IMPG1: variants seen among roughly 807,000 people sequenced by gnomAD.
The protein encoded by IMPG1 is interphotoreceptor matrix proteoglycan 1.
IMPG1 carries 85 observed loss-of-function variants against 92.0 expected under a neutral mutation model. The ratio of observed to expected loss-of-function variants is 0.92; its 90% CI spans 0.78 to 1.11. The LOEUF (loss-of-function observed/expected upper bound fraction) is 1.11, where lower values mean the gene tolerates loss of function less well. Among genes scored for constraint, IMPG1 ranks in the 50% least tolerant of loss-of-function variants. IMPG1 has a pLI of 0.00. For missense variants in IMPG1, 1,022 were observed against 956.0 expected (o/e 1.07, Z -0.91); for synonymous variants, 367 against 334.1 (o/e 1.10, Z -1.08).
chr6:75,939,432 T>G (rs905136948), intron 14 of IMPG1, among the ~76,000 whole-genome samples: 4 of 151,828 alleles, frequency 2.6e-5, no homozygotes, highest in African/African-American at 4.8e-5. Context: ...TTCCCACCTA[T>G]GAGTGAGAAT....
chr6:76,014,655 C>A (rs908191055), intron 7 of IMPG1, among the ~76,000 whole-genome samples: 1 of 152,170 alleles, frequency 6.6e-6, no homozygotes, highest in Admixed American at 6.5e-5. Context: ...GATCCTGAAT[C>A]ATCCATTTTT....
chr6:76,002,447 T>A (rs1783009949), intron 12 of IMPG1, among the ~76,000 whole-genome samples: 2 of 152,234 alleles, frequency 1.3e-5, no homozygotes, highest in African/African-American at 4.8e-5. Context: ...AAGAAACACA[T>A]GTAGCAGAAC....
intron 12 of IMPG1, among the ~76,000 whole-genome samples, chr6:75,978,402 GTTTTC>G (rs1042941467): frequency 1.3e-5 from 2 of 151,982 alleles, no homozygotes; most frequent in African/African-American, 4.8e-5. Context: ...TTTTGCTATT[GTTTTC>G]TTTTCTATAT....
intron 1 of IMPG1, among the ~76,000 whole-genome samples, chr6:76,066,387 A>G (rs1784311063): frequency 6.6e-6 from 1 of 152,140 alleles, no homozygotes; most frequent in East Asian, 1.9e-4. Flanking sequence ...ATGTAAACAG[A>G]AACCAAAAGT....
chr6:75,957,162 C>T (rs1255978693), intron 12 of IMPG1, among the ~76,000 whole-genome samples: 1 of 152,200 alleles, frequency 6.6e-6, no homozygotes, highest in Non-Finnish European at 1.5e-5. Context: ...TCGTGATCCA[C>T]TCGCCTCGGC....
intron 1 of IMPG1, among the ~76,000 whole-genome samples, chr6:76,060,828 T>C (rs945607703): frequency 4.6e-5 from 7 of 152,192 alleles, no homozygotes; most frequent in Non-Finnish European, 1.0e-4. Flanking sequence ...CTGAGTGTGA[T>C]ACTTTATAAT....
At chr6:75,962,941 T>C (rs1255013067) in intron 12 of IMPG1, among the ~76,000 whole-genome samples, 1 of 151,810 alleles carries the variant, frequency 6.6e-6, no homozygotes, top group Non-Finnish European at 1.5e-5. Flanking sequence ...CGTGGGAGGC[T>C]GAGGCAGGAG....
rs879607545 is a variant in IMPG1, at chr6:75,990,618, CACAT to C, written c.1291+12296_1291+12299del. Among the ~76,000 whole-genome samples, 714 of 151,742 alleles carry C rather than the reference CACAT, an allele frequency of 4.7e-3. 1 individual carries two copies. Among genetic ancestry groups the C allele is most frequent in the Non-Finnish European group, 8.2e-3 (555 of 67,850 alleles). On this transcript the variant is annotated intron_variant, in intron 12 of 16. Transcript: ENST00000369950. ...ACACACACACACACACACACACACA[CACAT>C]ACACAATCTCATTTTCCTGCCTTTT...
chr6:75,978,314 A>G (rs1782572078), intron 12 of IMPG1, among the ~76,000 whole-genome samples: 1 of 152,118 alleles, frequency 6.6e-6, no homozygotes, highest in Non-Finnish European at 1.5e-5. Context: ...GCATCTTTGT[A>G]CCCAAGATCA....
intron 12 of IMPG1, among the ~76,000 whole-genome samples, chr6:75,956,528 C>T (rs1212640101): frequency 1.3e-5 from 2 of 152,030 alleles, no homozygotes; most frequent in African/African-American, 4.8e-5. Flanking sequence ...TTTTGTTAAT[C>T]TTTTCAAAAA....
rs1358523295 is a variant in IMPG1 at position 75,924,715 on chromosome 6, T to TTATATG, written c.2244-1010_2244-1009insCATATA. 8.4e-3 allele frequency among the ~76,000 whole-genome samples: 237 copies of TTATATG among 28,112 alleles called. 49 individuals are homozygous for TTATATG. The highest frequency in any genetic ancestry group is 0.011 in the Non-Finnish European group (170 of 15,022). The allele number at this position is 28,112 out of a possible 152,430, so 18.4% of individuals were successfully genotyped here. On this transcript the variant is annotated intron_variant, in intron 15 of 16. Transcript: ENST00000369950. Reference sequence around the variant, plus strand: ...ATAAATAATTATATATAATATATAATATATAATATAATTATATATAATATA... The same window carrying TTATATG: ...ATAAATAATTATATATAATATATAATTATATGATATAATATAATTATATATAATATA...
In IMPG1 at chr6:75,950,682, G is replaced by A. The variant is rs778559199; in HGVS notation, c.1704C>T (p.Pro568=). The A allele has an allele frequency of 1.2e-6, 2 of 1,613,856 alleles. No homozygotes were observed. The highest frequency in any genetic ancestry group is 3.3e-5 in the Admixed American group (2 of 59,964). Residue 568 remains proline, a synonymous_variant, in exon 13 of 17, where the codon CCC becomes CCT. Transcript: ENST00000369950. ...YITTSSMTIA[P]KGRELVVFFS... ...AGAACACTACCAGCTCTCGGCCCTT[G>A]GGGGCAATGGTCATAGAACTAGTGG...
chr6:76,039,475 C>A (rs916797426), intron 2 of IMPG1, among the ~76,000 whole-genome samples: 1 of 152,048 alleles, frequency 6.6e-6, no homozygotes, highest in African/African-American at 2.4e-5. Context: ...CCTGCCTCAG[C>A]CTCCTGAGTT....
intron 13 of IMPG1, among the ~76,000 whole-genome samples, chr6:75,947,980 AC>A (rs1333483452): frequency 6.6e-6 from 1 of 152,242 alleles, no homozygotes; most frequent in East Asian, 1.9e-4. Context: ...ACCTATTAAA[AC>A]AAACAACAAC....
intron 12 of IMPG1, among the ~76,000 whole-genome samples, chr6:75,960,553 AC>A: frequency 6.6e-6 from 1 of 152,108 alleles, no homozygotes; most frequent in East Asian, 1.9e-4. Flanking sequence ...GAGTCCAGCA[AC>A]CCTATTTAAA....
chr6:75,939,162 C>T (rs1001410742), intron 14 of IMPG1, among the ~76,000 whole-genome samples: 9 of 152,224 alleles, frequency 5.9e-5, no homozygotes, highest in Non-Finnish European at 1.0e-4. Context: ...AGACAAACTT[C>T]TTCCACAAGG....
chr6:76,033,416 G>A (rs998196752), intron 4 of IMPG1, among the ~76,000 whole-genome samples: 3 of 152,192 alleles, frequency 2.0e-5, no homozygotes, highest in Admixed American at 6.5e-5. Context: ...ATGGCAAGAG[G>A]AAGATGTAGG....
At chr6:76,010,367 T>A (rs1305510532) in intron 8 of IMPG1, among the ~76,000 whole-genome samples, 2 of 152,206 alleles carry the variant, frequency 1.3e-5, no homozygotes, top group African/African-American at 4.8e-5. Flanking sequence ...AAAAATAGCA[T>A]ATTATGAGTT....
intron 15 of IMPG1, among the ~76,000 whole-genome samples, chr6:75,929,536 C>A (rs1487060175): frequency 1.8e-5 from 2 of 113,752 alleles, no homozygotes; most frequent in Non-Finnish European, 3.3e-5. Flanking sequence ...ACATCACACA[C>A]AGGGGACTGT....
Sources: gnomAD v4.1 joint callset for allele counts (sites outside exome capture counted in the v4.1 genomes callset) on GRCh38, gnomAD v4.1.1 for gene constraint, MANE v1.5 for transcripts, NCBI Gene and HGNC (gene_info 2026-07-23, HGNC 2026-07-21) for gene names.